Variants in PTPRD observed in about 807,000 individuals in gnomAD.
The protein encoded by PTPRD is protein tyrosine phosphatase receptor type D, also known as receptor-type tyrosine-protein phosphatase delta.
In PTPRD, 34 loss-of-function variants were observed where a neutral mutation model predicts 214.5. That is an observed-to-expected ratio of 0.16 (90% CI 0.12 to 0.21). The LOEUF (loss-of-function observed/expected upper bound fraction) is 0.21. Among genes scored for constraint, PTPRD ranks in the 10% least tolerant of loss-of-function variants. The probability of loss-of-function intolerance (pLI) is 1.00; values close to 1 mark genes in which losing one functional copy is unlikely to be tolerated. For missense variants in PTPRD, 2,545 were observed against 2,398.7 expected (o/e 1.06, Z -1.27); for synonymous variants, 1,128 against 845.7 (o/e 1.33, Z -5.79).
intron 3 of PTPRD, among the ~76,000 whole-genome samples, chr9:10,200,732 T>A (rs2099416503): frequency 6.6e-6 from 1 of 152,120 alleles, no homozygotes; most frequent in Admixed American, 6.6e-5. Context: ...GAAAAACATT[T>A]GCAGAATGTT....
intron 10 of PTPRD, among the ~76,000 whole-genome samples, chr9:9,102,634 C>T (rs2099792972): frequency 6.6e-6 from 1 of 152,152 alleles, no homozygotes. Flanking sequence ...GATAATTTAG[C>T]CCATGTGGAA....
At chr9:9,614,105 T>C (rs1057240701) in intron 7 of PTPRD, among the ~76,000 whole-genome samples, 2 of 151,684 alleles carry the variant, frequency 1.3e-5, no homozygotes, top group Admixed American at 6.6e-5. Context: ...AACATGTATA[T>C]ACGTATGTGT....
At chr9:9,400,866 T>C (rs924422527) in intron 8 of PTPRD, among the ~76,000 whole-genome samples, 1 of 152,076 alleles carries the variant, frequency 6.6e-6, no homozygotes, top group African/African-American at 2.4e-5. Context: ...TTTATTCAAA[T>C]AACCTTTAGA....
At chr9:9,895,792 C>T (rs940341091) in intron 5 of PTPRD, among the ~76,000 whole-genome samples, 1 of 152,008 alleles carries the variant, frequency 6.6e-6, no homozygotes, top group Admixed American at 6.6e-5. Context: ...GTTTAGTGCT[C>T]ATGGCATGCA....
intron 19 of PTPRD, 146 bp from the exon 20 acceptor site, chr9:8,521,692 A>G (rs879239807): frequency 2.3e-6 from 2 of 866,910 alleles, no homozygotes; most frequent in South Asian, 3.5e-5. Context: ...AAAACTGTGG[A>G]TAATACAGAC....
At position 9,633,305 on chromosome 9, in the gene PTPRD, GA is replaced by G. The variant is rs750323148; in HGVS notation, c.-286-58525del. Among the ~76,000 whole-genome samples, 53 of 144,460 alleles carry G rather than the reference GA, an allele frequency of 3.7e-4. 1 individual carries two copies. The highest frequency in any genetic ancestry group is 9.0e-4 in the Admixed American group (13 of 14,420). 94.8% of individuals were successfully genotyped at this position (144,460 alleles called of 152,430 possible). ...AGAGAGAGTGAGACTCCATCTCAGG[GA>G]AAAAAAAAAAGAAAGAAAAGTTATG... On this transcript the variant is annotated intron_variant, in intron 7 of 45. Coordinates refer to ENST00000381196, the MANE Select transcript of PTPRD (RefSeq NM_002839.4).
intron 9 of PTPRD, among the ~76,000 whole-genome samples, chr9:9,346,145 G>A (rs1001051247): frequency 6.6e-6 from 1 of 152,098 alleles, no homozygotes; most frequent in Non-Finnish European, 1.5e-5. Flanking sequence ...AATATTAAGT[G>A]CAGAATATAT....
chr9:8,831,541 G>C (rs1186765949), intron 11 of PTPRD, among the ~76,000 whole-genome samples: 1 of 152,046 alleles, frequency 6.6e-6, no homozygotes, highest in Non-Finnish European at 1.5e-5. Context: ...AATAAAACCA[G>C]TCATTTCAAA....
chr9:10,495,621 T>A (rs2041823259), intron 2 of PTPRD, among the ~76,000 whole-genome samples: 1 of 151,854 alleles, frequency 6.6e-6, no homozygotes, highest in African/African-American at 2.4e-5. Flanking sequence ...ATAATTGAGC[T>A]AAAAATTTCA....
intron 5 of PTPRD, among the ~76,000 whole-genome samples, chr9:9,828,757 T>A (rs1351742719): frequency 6.6e-6 from 1 of 151,886 alleles, no homozygotes; most frequent in African/African-American, 2.4e-5. Flanking sequence ...TACTTTACCT[T>A]CCAACAATCA....
intron 8 of PTPRD, among the ~76,000 whole-genome samples, chr9:9,497,217 T>C (rs1238612050): frequency 6.6e-6 from 1 of 152,204 alleles, no homozygotes; most frequent in Non-Finnish European, 1.5e-5. Flanking sequence ...GCCACTGAGC[T>C]GTACACTTAA....
At position 9,870,065 on chromosome 9, in the gene PTPRD, C is replaced by A. The variant is rs936994261; in HGVS notation, c.-368+68442G>T. ...TTGAAGTATCTACAGGTACTTGATA[C>A]ATATATCTTAACATGATATCTTAGA... is the stretch of plus-strand genomic sequence containing the variant. On this transcript the variant is annotated intron_variant, in intron 5 of 45. Coordinates refer to ENST00000381196, the MANE Select transcript of PTPRD (RefSeq NM_002839.4). Among the ~76,000 whole-genome samples the A allele has an allele frequency of 1.1e-4, 16 of 152,050 alleles. No individual in the cohort carries two copies. In the South Asian group the frequency reaches 2.5e-3, roughly 24 times the overall value.
intron 4 of PTPRD, among the ~76,000 whole-genome samples, chr9:9,942,943 C>T (rs2153972787): frequency 6.6e-6 from 1 of 150,906 alleles, no homozygotes; most frequent in African/African-American, 2.4e-5. Context: ...CTTGCAATCC[C>T]ATATATGAAA....
chr9:9,092,787 G>A (rs958702592), intron 10 of PTPRD, among the ~76,000 whole-genome samples: 5 of 151,956 alleles, frequency 3.3e-5, no homozygotes, highest in African/African-American at 9.7e-5. Flanking sequence ...GATTAATAGT[G>A]TAGAAATTTA....
chr9:9,114,745 T>C (rs1248552973), intron 10 of PTPRD, among the ~76,000 whole-genome samples: 1 of 152,060 alleles, frequency 6.6e-6, no homozygotes, highest in Non-Finnish European at 1.5e-5. Context: ...CTCCTCTTTC[T>C]ATAGTTAAGC....
chr9:8,774,776 C>T (rs1230220249), intron 11 of PTPRD, among the ~76,000 whole-genome samples: 1 of 151,960 alleles, frequency 6.6e-6, no homozygotes, highest in Non-Finnish European at 1.5e-5. Context: ...TCAGGTGATC[C>T]CCCCGCCTCG....
At chr9:8,509,247 C>T (rs904052786) in intron 21 of PTPRD, among the ~76,000 whole-genome samples, 2 of 152,076 alleles carry the variant, frequency 1.3e-5, no homozygotes, top group Admixed American at 6.6e-5. Flanking sequence ...ATGGAAAATG[C>T]ATTATTTCTA....
At chr9:10,479,308 A>G (rs1404916325) in intron 2 of PTPRD, among the ~76,000 whole-genome samples, 2 of 152,100 alleles carry the variant, frequency 1.3e-5, no homozygotes, top group Admixed American at 6.6e-5. Flanking sequence ...GCATTAGCCA[A>G]TCTTCATATT....
chr9:9,927,387 A>T (rs556263814), intron 5 of PTPRD, among the ~76,000 whole-genome samples: 19 of 152,242 alleles, frequency 1.2e-4, no homozygotes, highest in African/African-American at 4.6e-4. Flanking sequence ...CTCTACATTC[A>T]AATTCACCAT....
Sources: gnomAD v4.1 joint callset for allele counts (sites outside exome capture counted in the v4.1 genomes callset) on GRCh38, gnomAD v4.1.1 for gene constraint, MANE v1.5 for transcripts, NCBI Gene and HGNC (gene_info 2026-07-23, HGNC 2026-07-21) for gene names.